TNIK: variants seen among roughly 807,000 people sequenced by gnomAD.
TNIK encodes TRAF2 and NCK interacting kinase, also known as TRAF2 and NCK-interacting protein kinase.
In TNIK, 49 loss-of-function variants were observed where a neutral mutation model predicts 191.3. The ratio of observed to expected loss-of-function variants is 0.26; its 90% confidence interval spans 0.20 to 0.32. TNIK has a LOEUF of 0.32. Ranked by LOEUF, TNIK falls within the 10% of genes least tolerant of loss-of-function variation. The pLI is 1.00. For missense variants in TNIK, 1,155 were observed against 1,702.3 expected, an observed-to-expected ratio of 0.68 and a Z score of 5.66; for synonymous variants, 594 against 600.9, an observed-to-expected ratio of 0.99 and a Z score of 0.17.
At chr3:171,094,229 G>A (rs1722438166) in intron 22 of TNIK, among the ~76,000 whole-genome samples, 1 of 151,712 alleles carries the variant, frequency 6.6e-6, no homozygotes, top group African/African-American at 2.4e-5. Context: ...CTGCCTCCCA[G>A]GTTCACGCCA....
chr3:171,079,407 G>T, intron 28 of TNIK, 111 bp downstream of exon 28: 1 of 1,251,536 alleles, frequency 8.0e-7, no homozygotes. Flanking sequence ...AACATCTGAA[G>T]CTGGTCACAC....
At chr3:171,082,817 T>A (rs1044668651) in intron 26 of TNIK, 6 of 155,818 alleles carry the variant, frequency 3.9e-5, no homozygotes, top group African/African-American at 1.4e-4. Flanking sequence ...CCACCTTCAA[T>A]ATACAGTGGA....
At chr3:171,217,160 A>G (rs1427127163) in intron 3 of TNIK, among the ~76,000 whole-genome samples, 5 of 152,164 alleles carry the variant, frequency 3.3e-5, no homozygotes, top group African/African-American at 1.2e-4. Flanking sequence ...GGTACCCATC[A>G]ATGGTGGACT....
chr3:171,369,726 T>G (rs759229899), intron 1 of TNIK, 41 bp from the exon 2 acceptor site: 12 of 1,483,612 alleles, frequency 8.1e-6, no homozygotes. Flanking sequence ...CAAAACAATA[T>G]TCCAGGCATT....
At chr3:171,332,751 G>A (rs1756529939) in intron 2 of TNIK, among the ~76,000 whole-genome samples, 1 of 152,190 alleles carries the variant, frequency 6.6e-6, no homozygotes, top group African/African-American at 2.4e-5. Flanking sequence ...AGAAAGGCTA[G>A]ACACATAAAA....
intron 10 of TNIK, among the ~76,000 whole-genome samples, chr3:171,161,946 AT>A (rs1734052149): frequency 6.6e-6 from 1 of 151,992 alleles, no homozygotes; most frequent in African/African-American, 2.4e-5. Flanking sequence ...AATAATAATA[AT>A]TTGTTTGTGT....
intron 2 of TNIK, among the ~76,000 whole-genome samples, chr3:171,320,665 A>G (rs1211648409): frequency 6.6e-6 from 1 of 152,214 alleles, no homozygotes; most frequent in Non-Finnish European, 1.5e-5. Context: ...TTGATTCAGA[A>G]ACAAACAAAC....
chr3:171,396,318 T>C (rs1433624688), intron 1 of TNIK, among the ~76,000 whole-genome samples: 1 of 152,228 alleles, frequency 6.6e-6, no homozygotes, highest in Non-Finnish European at 1.5e-5. Flanking sequence ...CAACATGCCA[T>C]TGTTTGGAGA....
intron 2 of TNIK, among the ~76,000 whole-genome samples, chr3:171,346,177 C>G (rs1712151262): frequency 6.6e-6 from 1 of 152,110 alleles, no homozygotes; most frequent in African/African-American, 2.4e-5. Context: ...AAGGGCACTG[C>G]AGTCAGACTC....
chr3:171,170,635 A>G (rs1484631041), intron 9 of TNIK, among the ~76,000 whole-genome samples: 1 of 152,256 alleles, frequency 6.6e-6, no homozygotes, highest in Non-Finnish European at 1.5e-5. Flanking sequence ...CTGGTATCAT[A>G]AATGCCACAT....
chr3:171,131,129 G>A (rs1010011849), intron 15 of TNIK, among the ~76,000 whole-genome samples: 2 of 151,818 alleles, frequency 1.3e-5, no homozygotes, highest in Non-Finnish European at 2.9e-5. Context: ...ACGAGGTCAG[G>A]AGATCGAGAC....
intron 15 of TNIK, among the ~76,000 whole-genome samples, chr3:171,133,538 G>A (rs1489159642): frequency 6.6e-6 from 1 of 152,182 alleles, no homozygotes; most frequent in Non-Finnish European, 1.5e-5. Flanking sequence ...CCAATTGTGA[G>A]GCAGATGTGC....
intron 23 of TNIK, among the ~76,000 whole-genome samples, chr3:171,089,530 A>G (rs1466626269): frequency 6.6e-6 from 1 of 152,200 alleles, no homozygotes; most frequent in East Asian, 1.9e-4. Context: ...ACTGGTTATC[A>G]AAGAGAGACT....
chr3:171,406,438 A>T (rs73048527), intron 1 of TNIK, among the ~76,000 whole-genome samples: 22,569 of 151,164 alleles, frequency 0.15, 1,825 homozygotes, highest in South Asian at 0.3. Flanking sequence ...TTATTTATTT[A>T]TTTTTTTTTA....
chr3:171,278,314 CA>C (rs1275745539), intron 2 of TNIK, among the ~76,000 whole-genome samples: 3 of 151,870 alleles, frequency 2.0e-5, no homozygotes, highest in African/African-American at 7.3e-5. Context: ...ACATGCTGTC[CA>C]AAAAAGAGCA....
At chr3:171,397,267 T>A (rs1337124573) in intron 1 of TNIK, among the ~76,000 whole-genome samples, 1 of 152,170 alleles carries the variant, frequency 6.6e-6, no homozygotes, top group African/African-American at 2.4e-5. Context: ...TCTGCTACAC[T>A]CCCCTTTTGT....
intron 2 of TNIK, among the ~76,000 whole-genome samples, chr3:171,250,762 T>C (rs1746134233): frequency 6.6e-6 from 1 of 152,222 alleles, no homozygotes; most frequent in African/African-American, 2.4e-5. Context: ...AGAACTAAAA[T>C]AGCTAATGTG....
At chr3:171,121,832 A>G (rs1015612562) in intron 18 of TNIK, among the ~76,000 whole-genome samples, 5 of 152,220 alleles carry the variant, frequency 3.3e-5, no homozygotes, top group African/African-American at 1.2e-4. Context: ...TGATAGCATA[A>G]AAAGGGGTGT....
At chr3:171,151,767 C>A (rs191546388) in intron 12 of TNIK, among the ~76,000 whole-genome samples, 1 of 152,304 alleles carries the variant, frequency 6.6e-6, no homozygotes, top group East Asian at 1.9e-4. Flanking sequence ...CCAGGACTTT[C>A]CAGAGCATCA....
Sources: allele counts gnomAD v4.1 joint callset (sites outside exome capture counted in the v4.1 genomes callset), GRCh38; gene constraint gnomAD v4.1.1; transcripts MANE v1.5; gene names NCBI Gene and HGNC (gene_info 2026-07-23, HGNC 2026-07-21).